Variants in DPP10 observed in about 807,000 individuals in gnomAD.
DPP10 encodes inactive dipeptidyl peptidase 10.
In DPP10, 33 loss-of-function variants were observed where a neutral mutation model predicts 120.9. The observed-to-expected ratio is 0.27, with a 90% CI of 0.21 to 0.37. The LOEUF (loss-of-function observed/expected upper bound fraction) is 0.37. Among genes scored for constraint, DPP10 ranks in the 10% least tolerant of loss-of-function variants. DPP10 has a pLI of 1.00. For synonymous variants in DPP10, 337 were observed against 326.1 expected (o/e 1.03, Z -0.36); for missense variants, 816 against 942.8 (o/e 0.87, Z 1.76).
At chr2:115,413,469 G>A (rs2069120141) in intron 3 of DPP10, among the ~76,000 whole-genome samples, 1 of 152,070 alleles carries the variant, frequency 6.6e-6, no homozygotes, top group African/African-American at 2.4e-5. Context: ...AAGTAGTGAG[G>A]TTTGTGTAAA....
At chr2:115,045,839 G>T (rs1415387607) in intron 1 of DPP10, among the ~76,000 whole-genome samples, 1 of 151,962 alleles carries the variant, frequency 6.6e-6, no homozygotes, top group Admixed American at 6.6e-5. Flanking sequence ...ATCACTGGAG[G>T]GTTCTATTTG....
chr2:115,701,276 G>T (rs1354696769), intron 7 of DPP10, among the ~76,000 whole-genome samples: 2 of 152,044 alleles, frequency 1.3e-5, no homozygotes, highest in Non-Finnish European at 2.9e-5. Context: ...AAAGAAGAGA[G>T]AGTCCAAAAA....
intron 5 of DPP10, among the ~76,000 whole-genome samples, chr2:115,614,204 C>A (rs992611865): frequency 6.6e-6 from 1 of 152,128 alleles, no homozygotes; most frequent in African/African-American, 2.4e-5. Context: ...ATTTTAGAGA[C>A]CAGCTCTCAG....
At chr2:114,844,606 T>C (rs937291334) in intron 1 of DPP10, among the ~76,000 whole-genome samples, 1 of 152,128 alleles carries the variant, frequency 6.6e-6, no homozygotes, top group Non-Finnish European at 1.5e-5. Context: ...TTTTAAGAAC[T>C]TCCTTTTAGA....
chr2:115,181,986 T>C (rs764472625), intron 1 of DPP10, among the ~76,000 whole-genome samples: 1 of 152,240 alleles, frequency 6.6e-6, no homozygotes, highest in Non-Finnish European at 1.5e-5. Context: ...AGACAAGTTA[T>C]AATTTATAGA....
At chr2:115,184,700 C>G (rs1050449700) in intron 1 of DPP10, among the ~76,000 whole-genome samples, 4 of 152,212 alleles carry the variant, frequency 2.6e-5, no homozygotes, top group African/African-American at 9.6e-5. Context: ...GCCCAATACA[C>G]CTTCAAACAT....
chr2:115,026,654 G>C (rs2105213907), intron 1 of DPP10, among the ~76,000 whole-genome samples: 2 of 152,204 alleles, frequency 1.3e-5, no homozygotes. Context: ...TCATGCCTCA[G>C]CCTCCCAGTG....
intron 3 of DPP10, among the ~76,000 whole-genome samples, chr2:115,418,728 C>T (rs1559575217): frequency 6.6e-6 from 1 of 151,938 alleles, no homozygotes; most frequent in Non-Finnish European, 1.5e-5. Context: ...GCTCTGATCA[C>T]AAACACTGCA....
At chr2:115,542,819 C>A (rs376124914) in intron 5 of DPP10, among the ~76,000 whole-genome samples, 2 of 151,846 alleles carry the variant, frequency 1.3e-5, no homozygotes, top group African/African-American at 4.8e-5. Context: ...TTTCCCATGA[C>A]GTTACTTCTA....
intron 3 of DPP10, among the ~76,000 whole-genome samples, chr2:115,460,854 C>G (rs566196005): frequency 3.0e-4 from 46 of 152,186 alleles, no homozygotes; most frequent in Non-Finnish European, 4.9e-4. Flanking sequence ...TGGAAATATG[C>G]TATATTGCTA....
intron 1 of DPP10, among the ~76,000 whole-genome samples, chr2:115,235,900 G>A (rs914598644): frequency 6.6e-6 from 1 of 152,126 alleles, no homozygotes; most frequent in South Asian, 2.1e-4. Context: ...ATAAGTACAC[G>A]ATGGAGGATG....
chr2:114,757,832 A>G (rs976220275), intron 1 of DPP10, among the ~76,000 whole-genome samples: 1 of 152,088 alleles, frequency 6.6e-6, no homozygotes, highest in African/African-American at 2.4e-5. Flanking sequence ...AAGCTTGAGA[A>G]CCGCTGGTGT....
At position 115,677,014 on chromosome 2, in the gene DPP10, T is replaced by C. The variant is rs115055341; in HGVS notation, c.442-12673T>C. Among the ~76,000 whole-genome samples the C allele has an allele frequency of 3.5e-3, 532 of 152,220 alleles. 3 individuals carry two copies. The highest frequency in any genetic ancestry group is 0.012 in the African/African-American group (496 of 41,558). On this transcript the variant is annotated intron_variant, in intron 5 of 25. Coordinates refer to ENST00000410059, the MANE Select transcript of DPP10 (RefSeq NM_020868.6). ...AGTGGAAACTATACAGATCAGGAAA[T>C]AATATGATAATATAGTCAAAATTCA...
At chr2:114,846,711 T>A (rs959807871) in intron 1 of DPP10, among the ~76,000 whole-genome samples, 5 of 152,128 alleles carry the variant, frequency 3.3e-5, no homozygotes, top group African/African-American at 1.2e-4. Context: ...TCATCCACCA[T>A]CACATTCTCT....
chr2:114,912,637 C>T (rs1297985350), intron 1 of DPP10, among the ~76,000 whole-genome samples: 3 of 151,932 alleles, frequency 2.0e-5, no homozygotes, highest in Non-Finnish European at 4.4e-5. Context: ...GGATACAGAC[C>T]TGGGGCTGAA....
At chr2:115,023,207 C>G (rs1233905844) in intron 1 of DPP10, among the ~76,000 whole-genome samples, 1 of 152,030 alleles carries the variant, frequency 6.6e-6, no homozygotes, top group East Asian at 1.9e-4. Context: ...GCAAAGTAAA[C>G]CGACAACCCA....
intron 1 of DPP10, among the ~76,000 whole-genome samples, chr2:115,062,152 G>GTA (rs1706464663): frequency 6.6e-6 from 1 of 150,802 alleles, no homozygotes; most frequent in African/African-American, 2.4e-5. Context: ...GTGTGTGTGT[G>GTA]TGTGTGTGTG....
chr2:115,111,006 T>C (rs1247156348), intron 1 of DPP10, among the ~76,000 whole-genome samples: 1 of 152,154 alleles, frequency 6.6e-6, no homozygotes, highest in Non-Finnish European at 1.5e-5. Context: ...AAAAACGACA[T>C]TTATGATTTC....
At chr2:114,846,421 C>A (rs556376801) in intron 1 of DPP10, among the ~76,000 whole-genome samples, 1 of 152,090 alleles carries the variant, frequency 6.6e-6, no homozygotes, top group East Asian at 1.9e-4. Context: ...CAAAAATCAC[C>A]CCTCAATTGC....
Sources: gnomAD v4.1 joint callset for allele counts (sites outside exome capture counted in the v4.1 genomes callset) on GRCh38, gnomAD v4.1.1 for gene constraint, MANE v1.5 for transcripts, NCBI Gene and HGNC (gene_info 2026-07-23, HGNC 2026-07-21) for gene names.